HERC6: variants seen among roughly 807,000 people sequenced by gnomAD.
HERC6 encodes probable E3 ubiquitin-protein ligase HERC6.
A neutral mutation model predicts 114.5 loss-of-function variants in HERC6; 101 were observed. The observed-to-expected ratio is 0.88, with a 90% CI of 0.75 to 1.04. HERC6 has a LOEUF of 1.04. Among genes scored for constraint, HERC6 ranks in the 50% least tolerant of loss-of-function variants. The probability of loss-of-function intolerance (pLI) is 0.00; values close to 1 mark genes in which losing one functional copy is unlikely to be tolerated. For missense variants in HERC6, 1,133 were observed against 1,230.9 expected (o/e 0.92, Z 1.19); for synonymous variants, 408 against 436.2 (o/e 0.94, Z 0.81).
In HERC6 at chr4:88,393,595, G is replaced by A. The variant is rs1447682116; in HGVS notation, c.759+13G>A. 1.0e-5 allele frequency: 16 copies of A among 1,565,990 alleles called. No individual in the cohort carries two copies. The highest frequency in any genetic ancestry group is 1.7e-4 in the Middle Eastern group (1 of 5,996). ...GGTGCTTACCCAGGTAATCCAAAAC[G>A]TGTTGCTATTTTTTTGAGTTCCAGA... On this transcript the variant is annotated intron_variant, in intron 5 of 22. Coordinates refer to ENST00000264346, the MANE Select transcript of HERC6 (RefSeq NM_017912.4).
chr4:88,435,927 A>C (rs536973279), intron 18 of HERC6, 36 bp downstream of exon 18: 1 of 1,475,624 alleles, frequency 6.8e-7, no homozygotes, highest in African/African-American at 1.4e-5. Flanking sequence ...GACCGTATCT[A>C]GTAAGTCTCA....
At chr4:88,379,232 C>G in intron 1 of HERC6, 112 bp downstream of exon 1, 2 of 854,390 alleles carry the variant, frequency 2.3e-6, no homozygotes, top group Non-Finnish European at 3.4e-6. Flanking sequence ...GGGTGAGGGG[C>G]GCGGGGGCCC....
intron 12 of HERC6, among the ~76,000 whole-genome samples, chr4:88,414,340 G>C (rs900714221): frequency 2.0e-5 from 3 of 151,676 alleles, no homozygotes; most frequent in Non-Finnish European, 4.4e-5. Flanking sequence ...GCCATGCATG[G>C]TGGCACACAC....
At chr4:88,434,139 T>C (rs1578430283) in intron 17 of HERC6, among the ~76,000 whole-genome samples, 1 of 152,234 alleles carries the variant, frequency 6.6e-6, no homozygotes. Context: ...AAGTTATAGA[T>C]TGCTGACTTA....
chr4:88,380,327 TAA>T (rs1734224258), intron 1 of HERC6, among the ~76,000 whole-genome samples: 1 of 8,968 alleles, frequency 1.1e-4, no homozygotes, highest in Non-Finnish European at 2.1e-4. Flanking sequence ...AATATATATA[TAA>T]TATATAAATA....
At chr4:88,394,632 C>T (rs1420226186) in intron 5 of HERC6, among the ~76,000 whole-genome samples, 1 of 151,316 alleles carries the variant, frequency 6.6e-6, no homozygotes, top group Non-Finnish European at 1.5e-5. Context: ...GCAACCTTCG[C>T]CTCCCAGGTT....
chr4:88,424,690 T>C lies in HERC6; in HGVS notation c.1923T>C (p.His641=). The change falls in exon 15 of 23, where the codon CAT becomes CAC. Residue 641 remains histidine (H), a synonymous_variant. Coordinates refer to ENST00000264346, the MANE Select transcript of HERC6 (RefSeq NM_017912.4). ...SKIKLLQADS[H]IKMQMSEKKA... is the part of the protein sequence containing the mutation. ...TTAAATTATTGCAAGCTGATTCACA[T>C]ATAAAGATGCAGGTATGTATGTCCT... The C allele has an allele frequency of 2.5e-6, 4 of 1,593,682 alleles. No homozygotes were observed. The highest frequency in any genetic ancestry group is 1.7e-4 in the Middle Eastern group (1 of 5,982).
intron 20 of HERC6, among the ~76,000 whole-genome samples, chr4:88,439,426 G>C (rs1739108635): frequency 6.6e-6 from 1 of 151,222 alleles, no homozygotes; most frequent in African/African-American, 2.4e-5. Context: ...GGAAGGGAAG[G>C]GAAAGGAAAG....
rs1177928578 is a variant in HERC6 at position 88,443,011 on chromosome 4, C to G, written c.*551C>G. On this transcript the variant is annotated 3_prime_UTR_variant, in exon 23 of 23. Coordinates refer to ENST00000264346, the MANE Select transcript of HERC6 (RefSeq NM_017912.4). ...TACCAGGGCTCTTGAGCCACTTGCTCTAGCCCACTCCCACCCTGTGGAATG... is the reference window on the plus strand; with the variant it reads ...TACCAGGGCTCTTGAGCCACTTGCTGTAGCCCACTCCCACCCTGTGGAATG... 1 of 159,216 alleles carries G rather than the reference C, an allele frequency of 6.3e-6. No individual in the cohort carries two copies. Among genetic ancestry groups the G allele is most frequent in the Non-Finnish European group, 1.4e-5 (1 of 71,622 alleles). 9.9% of individuals were successfully genotyped at this position (159,216 alleles called of 1,614,324 possible).
intron 1 of HERC6, among the ~76,000 whole-genome samples, chr4:88,380,409 A>G (rs1734251362): frequency 1.1e-5 from 1 of 88,568 alleles, no homozygotes; most frequent in Non-Finnish European, 2.0e-5. Context: ...TATATATAAT[A>G]TATAAATATA....
chr4:88,437,358 C>A (rs984294167), intron 19 of HERC6, among the ~76,000 whole-genome samples: 1 of 151,834 alleles, frequency 6.6e-6, no homozygotes, highest in African/African-American at 2.4e-5. Context: ...TGCCTGGCCC[C>A]TGGGATCCCT....
At chr4:88,384,126 T>C (rs183768691) in intron 2 of HERC6, among the ~76,000 whole-genome samples, 370 of 152,306 alleles carry the variant, frequency 2.4e-3, no homozygotes, top group Non-Finnish European at 4.3e-3. Flanking sequence ...GGGAATTCAG[T>C]TGTCATTAAG....
chr4:88,420,624 A>C lies in HERC6; in HGVS notation c.1713+3045A>C, dbSNP rs547741751. Among the ~76,000 whole-genome samples, 14 of 152,326 alleles carry C rather than the reference A, an allele frequency of 9.2e-5. 1 individual carries two copies. The highest frequency in any genetic ancestry group is 3.1e-4 in the African/African-American group (13 of 41,564). ...ATGTGGTTATATATCTTTTTAAAACAGCTTTATTGAGATATAATTCTCTCA... is the reference window on the plus strand; with the variant it reads ...ATGTGGTTATATATCTTTTTAAAACCGCTTTATTGAGATATAATTCTCTCA... On this transcript the variant is annotated intron_variant, in intron 13 of 22. Coordinates refer to ENST00000264346, the MANE Select transcript of HERC6 (RefSeq NM_017912.4).
chr4:88,426,357 A>G (rs542977947), intron 15 of HERC6, among the ~76,000 whole-genome samples: 1 of 152,122 alleles, frequency 6.6e-6, no homozygotes, highest in South Asian at 2.1e-4. Flanking sequence ...TAGTAGAGAC[A>G]GGGTTTCTCC....
At position 88,417,727 on chromosome 4, in the gene HERC6, A is replaced by C; in HGVS notation, c.1713+148A>C. 3 of 638,668 alleles carry C rather than the reference A, an allele frequency of 4.7e-6. No homozygotes were observed. In the East Asian group the frequency reaches 9.2e-5, roughly 20 times the overall value. 39.6% of individuals were successfully genotyped at this position (638,668 alleles called of 1,614,324 possible). On this transcript the variant is annotated intron_variant, in intron 13 of 22. Coordinates refer to ENST00000264346, the MANE Select transcript of HERC6 (RefSeq NM_017912.4). Reference sequence around the variant, plus strand: ...AGTATAGAAAAGGGAAATGTTTGGCATAAAATAATTAGGGATTTAAAAGTT... The same window carrying C: ...AGTATAGAAAAGGGAAATGTTTGGCCTAAAATAATTAGGGATTTAAAAGTT...
intron 11 of HERC6, 88 bp from the exon 12 acceptor site, chr4:88,412,989 T>G (rs1736204993): frequency 3.2e-6 from 3 of 932,996 alleles, no homozygotes; most frequent in South Asian, 3.5e-5. Context: ...CATGGTGGAG[T>G]GAAACCCTTA....
chr4:88,407,042 A>G lies in HERC6; in HGVS notation c.1274+1429A>G, dbSNP rs1008387955. 4.6e-5 allele frequency among the ~76,000 whole-genome samples: 7 copies of G among 151,806 alleles called. No individual in the cohort carries two copies. In the East Asian group the frequency reaches 1.2e-3, roughly 25 times the overall value. On this transcript the variant is annotated intron_variant, in intron 10 of 22. Transcript: ENST00000264346. Reference sequence around the variant, plus strand: ...CCAAAGTGCTGGGATTACTGGCATGAGCCACCGCGCCCAGCCTCTTTTTTA... The same window carrying G: ...CCAAAGTGCTGGGATTACTGGCATGGGCCACCGCGCCCAGCCTCTTTTTTA...
intron 15 of HERC6, among the ~76,000 whole-genome samples, chr4:88,427,000 C>A (rs898581890): frequency 1.3e-5 from 2 of 152,162 alleles, no homozygotes; most frequent in Non-Finnish European, 2.9e-5. Flanking sequence ...CTCTCTGGGT[C>A]ATTTGTCTAT....
chr4:88,431,926 T>C (rs1046088344), intron 17 of HERC6, among the ~76,000 whole-genome samples: 4 of 152,252 alleles, frequency 2.6e-5, no homozygotes, highest in African/African-American at 9.6e-5. Context: ...CTATCAGTCA[T>C]TTCTGTCCTA....
Sources: allele counts gnomAD v4.1 joint callset (sites outside exome capture counted in the v4.1 genomes callset), GRCh38; gene constraint gnomAD v4.1.1; transcripts MANE v1.5; gene names NCBI Gene and HGNC (gene_info 2026-07-23, HGNC 2026-07-21).